PTPRD: variants seen among roughly 807,000 people sequenced by gnomAD.
PTPRD encodes the protein protein tyrosine phosphatase receptor type D, also known as receptor-type tyrosine-protein phosphatase delta.
Under a neutral mutation model 214.5 loss-of-function variants are expected in PTPRD, and 34 were observed. That is an observed-to-expected ratio of 0.16 (90% CI 0.12 to 0.21). The LOEUF is 0.21. Ranked by LOEUF, PTPRD falls within the 10% of genes least tolerant of loss-of-function variation. The pLI is 1.00. For synonymous variants in PTPRD, 1,128 were observed against 845.7 expected (o/e 1.33, Z -5.79); for missense variants, 2,545 against 2,398.7 (o/e 1.06, Z -1.27).
intron 9 of PTPRD, among the ~76,000 whole-genome samples, chr9:9,260,736 T>C (rs1020461622): frequency 6.6e-6 from 1 of 151,826 alleles, no homozygotes; most frequent in Admixed American, 6.6e-5. Context: ...AATAGAATAG[T>C]GCGGGTGAAA....
In PTPRD at chr9:8,485,961, G is replaced by C. The variant is rs2135931448; in HGVS notation, c.2856C>G (p.Thr952=). The change falls in exon 28 of 46, where the codon ACC becomes ACG. Residue 952 remains threonine, a synonymous_variant. Transcript: ENST00000381196. ...PVLAERNGII[T]KYTLLYRDIN... The stretch of plus-strand genomic sequence containing the variant: ...TATCCCTATAAAGAAGGGTATACTT[G>C]GTGATAATGCCATTTCTCTCTGCCA... 6.2e-7 allele frequency: 1 copy of C among 1,614,178 alleles called. No homozygotes were observed. Among genetic ancestry groups the C allele is most frequent in the African/African-American group, 1.3e-5 (1 of 75,050 alleles).
chr9:10,243,564 C>T (rs1056107242), intron 3 of PTPRD, among the ~76,000 whole-genome samples: 1 of 152,030 alleles, frequency 6.6e-6, no homozygotes, highest in African/African-American at 2.4e-5. Context: ...TATTCTATTT[C>T]CTGTAAGATC....
intron 14 of PTPRD, among the ~76,000 whole-genome samples, chr9:8,603,959 G>C (rs2095042592): frequency 6.6e-6 from 1 of 152,110 alleles, no homozygotes; most frequent in African/African-American, 2.4e-5. Flanking sequence ...ATGCCTCAAA[G>C]TTTCTCCTAC....
chr9:9,640,967 C>A (rs1270797148), intron 7 of PTPRD, among the ~76,000 whole-genome samples: 1 of 152,174 alleles, frequency 6.6e-6, no homozygotes, highest in Admixed American at 6.5e-5. Context: ...TGGCTTACTG[C>A]CAAAATAGTT....
chr9:9,961,699 A>G (rs2094377554), intron 4 of PTPRD, among the ~76,000 whole-genome samples: 1 of 152,188 alleles, frequency 6.6e-6, no homozygotes, highest in African/African-American at 2.4e-5. Flanking sequence ...CCATGCCTTC[A>G]CTTACTCTGA....
At chr9:10,250,657 G>GA (rs1428412655) in intron 3 of PTPRD, among the ~76,000 whole-genome samples, 2 of 151,808 alleles carry the variant, frequency 1.3e-5, no homozygotes, top group Non-Finnish European at 2.9e-5. Context: ...TAAGTCAAAG[G>GA]AAAAAATAGA....
chr9:8,477,718 G>T (rs2096793519), intron 30 of PTPRD, among the ~76,000 whole-genome samples: 1 of 152,118 alleles, frequency 6.6e-6, no homozygotes, highest in African/African-American at 2.4e-5. Flanking sequence ...AAGCACATAT[G>T]CCTGGTCACT....
At position 8,563,992 on chromosome 9, in the gene PTPRD, C is replaced by T. The variant is rs148051987; in HGVS notation, c.353-35213G>A. ...CGGCATACAATTTTCAAACTTTAGA[C>T]GGTGCGAAAGCAATACATATTGAGT... is the stretch of plus-strand genomic sequence containing the variant. On this transcript the variant is annotated intron_variant, in intron 14 of 45. Transcript: ENST00000381196. 6.8e-4 allele frequency among the ~76,000 whole-genome samples: 103 copies of T among 152,224 alleles called. 1 individual carries two copies. In the South Asian group the frequency reaches 0.02, roughly 29 times the overall value.
chr9:9,374,039 A>G (rs1156370456), intron 9 of PTPRD, among the ~76,000 whole-genome samples: 1 of 152,080 alleles, frequency 6.6e-6, no homozygotes, highest in African/African-American at 2.4e-5. Flanking sequence ...TAACACATCT[A>G]CTAGATGGAA....
At chr9:9,174,064 A>G (rs2099923125) in intron 10 of PTPRD, among the ~76,000 whole-genome samples, 2 of 152,188 alleles carry the variant, frequency 1.3e-5, no homozygotes, top group South Asian at 4.1e-4. Context: ...AAAAAATACT[A>G]TGAGAAGTAT....
intron 31 of PTPRD, among the ~76,000 whole-genome samples, chr9:8,469,073 AAT>A (rs1264293031): frequency 6.6e-6 from 1 of 152,000 alleles, no homozygotes; most frequent in Admixed American, 6.6e-5. Context: ...CCGACCCAAA[AAT>A]TTTGAATTAA....
At chr9:9,828,416 C>A (rs1598962981) in intron 5 of PTPRD, among the ~76,000 whole-genome samples, 1 of 152,082 alleles carries the variant, frequency 6.6e-6, no homozygotes, top group Admixed American at 6.6e-5. Context: ...AAACCAAACA[C>A]TGCATGTTCT....
At chr9:8,399,741 T>C (rs1186862213) in intron 36 of PTPRD, among the ~76,000 whole-genome samples, 2 of 152,174 alleles carry the variant, frequency 1.3e-5, no homozygotes, top group Non-Finnish European at 2.9e-5. Context: ...GGCATCAGTT[T>C]TGAATTAGGT....
intron 10 of PTPRD, among the ~76,000 whole-genome samples, chr9:9,095,492 T>C (rs2154434542): frequency 6.6e-6 from 1 of 152,284 alleles, no homozygotes; most frequent in Admixed American, 6.5e-5. Flanking sequence ...TTGTAGTATA[T>C]TAAAAATATA....
chr9:8,703,735 C>T lies in PTPRD; in HGVS notation c.64+30045G>A, dbSNP rs563022481. 4.6e-5 allele frequency among the ~76,000 whole-genome samples: 7 copies of T among 152,264 alleles called. No individual in the cohort carries two copies. In the East Asian group the frequency reaches 1.4e-3, roughly 29 times the overall value. On this transcript the variant is annotated intron_variant, in intron 12 of 45. Coordinates refer to ENST00000381196, the MANE Select transcript of PTPRD (RefSeq NM_002839.4). ...TTTGTCTAATCCCGTGGCTCTGTCA[C>T]CATTTATATGCTAGCGACTTCCAAG...
At chr9:8,829,806 G>C (rs115850002) in intron 11 of PTPRD, among the ~76,000 whole-genome samples, 2,617 of 152,196 alleles carry the variant, frequency 0.017, 65 homozygotes, top group African/African-American at 0.06. Flanking sequence ...ATCTTCAGCA[G>C]GTCATTTACC....
At chr9:9,821,318 G>A (rs2050644661) in intron 5 of PTPRD, among the ~76,000 whole-genome samples, 2 of 152,162 alleles carry the variant, frequency 1.3e-5, no homozygotes, top group African/African-American at 2.4e-5. Flanking sequence ...CCACTGAAAT[G>A]TCAAATGTAA....
In PTPRD at chr9:10,241,916, A is replaced by G. The variant is rs150705477; in HGVS notation, c.-545+99047T>C. On this transcript the variant is annotated intron_variant, in intron 3 of 45. Transcript: ENST00000381196. ...GTTGTTAAGAAGTCAGCTATTTAAA[A>G]TAACTAACGGCACATAAAACCAAAG... Among the ~76,000 whole-genome samples, 8 of 152,106 alleles carry G rather than the reference A, an allele frequency of 5.3e-5. No homozygotes were observed. The East Asian group carries it at 1.6e-3, about 29-fold the overall frequency.
At chr9:9,728,860 G>C (rs1331825908) in intron 7 of PTPRD, among the ~76,000 whole-genome samples, 1 of 151,820 alleles carries the variant, frequency 6.6e-6, no homozygotes. Context: ...TGTTTTTTTA[G>C]TTTATCTAGT....
Sources: gnomAD v4.1 joint callset for allele counts (sites outside exome capture counted in the v4.1 genomes callset) on GRCh38, gnomAD v4.1.1 for gene constraint, MANE v1.5 for transcripts, NCBI Gene and HGNC (gene_info 2026-07-23, HGNC 2026-07-21) for gene names.